LINGO1: variants seen among roughly 807,000 people sequenced by gnomAD.
LINGO1 encodes leucine-rich repeat and immunoglobulin-like domain-containing nogo receptor-interacting protein 1.
Under a neutral mutation model 37.3 loss-of-function variants are expected in LINGO1, and 11 were observed. That is an observed-to-expected ratio of 0.29 (90% CI 0.19 to 0.49). LINGO1 has a LOEUF of 0.49. Among genes scored for constraint, LINGO1 ranks in the 20% least tolerant of loss-of-function variants. The probability of loss-of-function intolerance (pLI) is 0.99; values close to 1 mark genes in which losing one functional copy is unlikely to be tolerated. For missense variants in LINGO1, 585 were observed against 878.2 expected (o/e 0.67, Z 4.22); for synonymous variants, 387 against 403.0 (o/e 0.96, Z 0.48).
chr15:77,791,928 C>G (rs531203815), upstream of LINGO1, among the ~76,000 whole-genome samples: 2 of 152,176 alleles, frequency 1.3e-5, no homozygotes, highest in African/African-American at 4.8e-5. Flanking sequence ...CACCCAGAAG[C>G]AGGAAGCTCC....
At chr15:77,730,077 G>A (rs3935831) in intron 2 of LINGO1, among the ~76,000 whole-genome samples, 5 of 151,746 alleles carry the variant, frequency 3.3e-5, no homozygotes, top group East Asian at 1.9e-4. Context: ...GGAGCGTTGT[G>A]GGGGGAGTAG....
chr15:77,732,099 A>T (rs1303484218), intron 2 of LINGO1, among the ~76,000 whole-genome samples: 1 of 152,244 alleles, frequency 6.6e-6, no homozygotes, highest in East Asian at 1.9e-4. Flanking sequence ...TATGCCTATG[A>T]GAAAACAACT....
At position 77,692,816 on chromosome 15, in the gene LINGO1, C is replaced by T. The variant is rs566864249; in HGVS notation, c.-280-1915G>A. On this transcript the variant is annotated intron_variant, in intron 1 of 3. Coordinates refer to the LINGO1 transcript ENST00000559893. Reference sequence around the variant, plus strand: ...CTCCAGCCGCCAGCAAGTGCTGAACCTCAGGACGCCATGGTATCCAGGCCT... The same window carrying T: ...CTCCAGCCGCCAGCAAGTGCTGAACTTCAGGACGCCATGGTATCCAGGCCT... Among the ~76,000 whole-genome samples the T allele has an allele frequency of 2.0e-5, 3 of 152,368 alleles. No individual in the cohort carries two copies. The South Asian group carries it at 6.2e-4, about 32-fold the overall frequency.
intron 3 of LINGO1, among the ~76,000 whole-genome samples, chr15:77,656,246 T>C (rs991711196): frequency 6.6e-6 from 1 of 152,182 alleles, no homozygotes; most frequent in East Asian, 1.9e-4. Context: ...GGACTGAGCT[T>C]TGGGGAAAGG....
chr15:77,686,550 G>T (rs1047734691), intron 2 of LINGO1, among the ~76,000 whole-genome samples: 2 of 152,216 alleles, frequency 1.3e-5, no homozygotes, highest in African/African-American at 4.8e-5. Flanking sequence ...CCCTTGCAGG[G>T]TGTCATCATC....
At chr15:77,621,245 G>C (rs954376847) in intron 1 of LINGO1, among the ~76,000 whole-genome samples, 12 of 152,098 alleles carry the variant, frequency 7.9e-5, no homozygotes, top group African/African-American at 2.9e-4. Context: ...ACTAGAGACA[G>C]GGTTTCACCA....
At chr15:77,726,828 A>G (rs1407606506) in intron 2 of LINGO1, among the ~76,000 whole-genome samples, 2 of 152,276 alleles carry the variant, frequency 1.3e-5, no homozygotes, top group Non-Finnish European at 2.9e-5. Flanking sequence ...ATGGGAGGAA[A>G]TGTTGGCAAC....
intron 2 of LINGO1, among the ~76,000 whole-genome samples, chr15:77,708,968 C>G (rs2075885949): frequency 6.6e-6 from 1 of 152,148 alleles, no homozygotes; most frequent in Admixed American, 6.6e-5. Flanking sequence ...GAGGAGGCCA[C>G]ATGAAGATGG....
chr15:77,646,109 G>T (rs375422021), intron 3 of LINGO1, among the ~76,000 whole-genome samples: 43 of 152,328 alleles, frequency 2.8e-4, no homozygotes, highest in Admixed American at 3.3e-4. Context: ...GCGTGTGATG[G>T]AACAGACACC....
chr15:77,731,402 C>A (rs1053532974), intron 2 of LINGO1, among the ~76,000 whole-genome samples: 1 of 152,296 alleles, frequency 6.6e-6, no homozygotes, highest in Admixed American at 6.5e-5. Flanking sequence ...CAGAGCCTGG[C>A]ACTAGAGCCT....
intron 1 of LINGO1, among the ~76,000 whole-genome samples, chr15:77,817,578 C>T (rs1239523840): frequency 1.3e-5 from 2 of 152,178 alleles, no homozygotes; most frequent in African/African-American, 2.4e-5. Context: ...CCAGGAAGCA[C>T]ATATTTAACC....
At chr15:77,676,462 C>T (rs1415927499) in intron 3 of LINGO1, among the ~76,000 whole-genome samples, 1 of 152,238 alleles carries the variant, frequency 6.6e-6, no homozygotes, top group African/African-American at 2.4e-5. Flanking sequence ...GCTGCTACCC[C>T]ATCCTATTCC....
chr15:77,776,757 C>A (rs180911964), intron 1 of LINGO1, among the ~76,000 whole-genome samples: 4 of 152,164 alleles, frequency 2.6e-5, no homozygotes, highest in African/African-American at 9.7e-5. Flanking sequence ...CTCCTTCTAC[C>A]GCAGCCTTGG....
intron 3 of LINGO1, among the ~76,000 whole-genome samples, chr15:77,654,817 T>C (rs1055473884): frequency 1.3e-5 from 2 of 152,176 alleles, no homozygotes; most frequent in Admixed American, 6.5e-5. Context: ...TCCCTGGTTA[T>C]TGTAAGAACG....
intron 3 of LINGO1, among the ~76,000 whole-genome samples, chr15:77,642,326 G>A (rs1268734147): frequency 2.6e-5 from 4 of 152,234 alleles, no homozygotes; most frequent in Non-Finnish European, 5.9e-5. Context: ...GAGTGGAGGA[G>A]GGAAACAGAG....
intron 1 of LINGO1, among the ~76,000 whole-genome samples, chr15:77,747,482 C>T (rs1251077479): frequency 6.6e-6 from 1 of 152,240 alleles, no homozygotes; most frequent in African/African-American, 2.4e-5. Flanking sequence ...TTTTCTGTAA[C>T]CTCTCACTGC....
At chr15:77,811,262 A>G (rs749702478) in intron 1 of LINGO1, among the ~76,000 whole-genome samples, 2 of 152,194 alleles carry the variant, frequency 1.3e-5, no homozygotes, top group Non-Finnish European at 2.9e-5. Flanking sequence ...ACAATAAACA[A>G]GAAGTTGTTT....
chr15:77,768,609 TG>T (rs1174901138), intron 1 of LINGO1, among the ~76,000 whole-genome samples: 2 of 152,104 alleles, frequency 1.3e-5, no homozygotes, highest in Non-Finnish European at 2.9e-5. Flanking sequence ...CCTGCGTGCC[TG>T]GACTTGGAGG....
At chr15:77,745,404 G>A (rs545378531) in intron 1 of LINGO1, among the ~76,000 whole-genome samples, 177 of 148,860 alleles carry the variant, frequency 1.2e-3, no homozygotes, top group African/African-American at 4.2e-3. Context: ...CCAGCTGGGC[G>A]ACAAAGCAAG....
Sources: allele counts gnomAD v4.1 joint callset (sites outside exome capture counted in the v4.1 genomes callset), GRCh38; gene constraint gnomAD v4.1.1; transcripts MANE v1.5; gene names NCBI Gene and HGNC (gene_info 2026-07-23, HGNC 2026-07-21).